IDUA: variants seen among roughly 807,000 people sequenced by gnomAD.
IDUA encodes iduronidase alpha-L-.
Under a neutral mutation model 68.9 loss-of-function variants are expected in IDUA, and 65 were observed. The ratio of observed to expected loss-of-function variants is 0.94; its 90% CI spans 0.77 to 1.16. The LOEUF is 1.16. IDUA is among the 50% of genes most tolerant of loss of function. IDUA has a pLI of 0.00. For synonymous variants in IDUA, 529 were observed against 433.6 expected (o/e 1.22, Z -2.73); for missense variants, 1,046 against 938.0 (o/e 1.12, Z -1.50).
At chr4:995,046 C>CT (rs562525715) in intron 2 of IDUA, among the ~76,000 whole-genome samples, 6,941 of 138,932 alleles carry the variant, frequency 0.05, 223 homozygotes, top group East Asian at 0.11. Context: ...GCCTACAAGT[C>CT]TTTTTTTTTT....
At chr4:993,634 G>A (rs34106926) in intron 2 of IDUA, among the ~76,000 whole-genome samples, 1 of 152,210 alleles carries the variant, frequency 6.6e-6, no homozygotes, top group African/African-American at 2.4e-5. Context: ...GCCCTGCCGG[G>A]GGGGCTTAGG....
In IDUA at chr4:1,004,487, C is replaced by T. The variant is rs1019771215; in HGVS notation, c.*94C>T. The T allele has an allele frequency of 3.5e-5, 43 of 1,228,084 alleles. No individual in the cohort carries two copies. The highest frequency in any genetic ancestry group is 4.8e-5 in the Non-Finnish European group (42 of 880,754). The allele number at this position is 1,228,084 out of a possible 1,614,324, so 76.1% of individuals were successfully genotyped here. A position where few individuals can be genotyped will look rare whatever the true frequency, so the allele number is the denominator to read the frequency against. On this transcript the variant is annotated 3_prime_UTR_variant, in exon 14 of 14. Coordinates refer to ENST00000514224, the MANE Select transcript of IDUA (RefSeq NM_000203.5). This position sits in a 1 kb window ranked among gnomAD's most constrained non-coding sequence, Gnocchi z 5.0. Reference sequence around the variant, plus strand: ...TGCTGCCCTCCCATCACCCCCTTTGCAATATATTTTTATATTTTATTATTT... The same window carrying T: ...TGCTGCCCTCCCATCACCCCCTTTGTAATATATTTTTATATTTTATTATTT...
intron 9 of IDUA, 22 bp from the exon 10 acceptor site, chr4:1,003,014 G>C (rs373823790): frequency 6.8e-7 from 1 of 1,460,384 alleles, no homozygotes; most frequent in Non-Finnish European, 9.0e-7. Flanking sequence ...GGGAGCCGAG[G>C]CCTGAGTGTC....
At chr4:1,000,755 C>A (rs1245858456) in intron 3 of IDUA, 58 bp downstream of exon 3, 17 of 1,479,126 alleles carry the variant, frequency 1.1e-5, no homozygotes, top group Non-Finnish European at 1.6e-5. Context: ...TGCCCACCCT[C>A]TCCCTCACCC....
rs930815881 is a variant in IDUA at position 1,003,031 on chromosome 4, C to T, written c.1403-5C>T. 2 of 1,491,062 alleles carry T rather than the reference C, an allele frequency of 1.3e-6. No homozygotes were observed. The highest frequency in any genetic ancestry group is 1.8e-6 in the Non-Finnish European group (2 of 1,128,208). 92.4% of individuals were successfully genotyped at this position (1,491,062 alleles called of 1,614,324 possible). A position where few individuals can be genotyped will look rare whatever the true frequency, so the allele number is the denominator to read the frequency against. ...GAGCCGAGGCCTGAGTGTCAGGCCC[C>T]GCAGGCCTGGTCTACGTCACGCGCT... is the stretch of plus-strand genomic sequence containing the variant. On this transcript the variant is annotated splice_polypyrimidine_tract_variant and splice_region_variant and intron_variant, in intron 9 of 13. Coordinates refer to ENST00000514224, the MANE Select transcript of IDUA (RefSeq NM_000203.5).
intron 2 of IDUA, chr4:988,348 G>A (rs1713912289): frequency 1.5e-5 from 16 of 1,086,852 alleles, no homozygotes; most frequent in Non-Finnish European, 1.8e-5. Context: ...GGGGAGGCAC[G>A]AGGTGTGAGG....
At position 1,001,707 on chromosome 4, in the gene IDUA, G is replaced by C. The variant is rs377312287; in HGVS notation, c.618G>C (p.Ser206=). The change falls in exon 6 of 14, where the codon TCG becomes TCC. Residue 206 remains serine (S), a synonymous_variant. Coordinates refer to ENST00000514224, the MANE Select transcript of IDUA (RefSeq NM_000203.5). ...TCCTGAACTACTACGATGCCTGCTC[G>C]GAGGGTCTGCGCGCCGCCAGCCCCG... The part of the protein sequence containing the change: ...QGFLNYYDAC[S]EGLRAASPAL... 3.8e-6 allele frequency: 6 copies of C among 1,599,676 alleles called. No homozygotes were observed. The highest frequency in any genetic ancestry group is 2.2e-5 in the East Asian group (1 of 44,730).
chr4:987,878 T>C lies in IDUA; in HGVS notation c.228T>C (p.Tyr76=), dbSNP rs2153015654. ...LSWDQQLNLA[Y]VGAVPHRGIK... ...GGGACCAGCAGCTCAACCTCGCCTA[T>C]GTGGGCGCCGTCCCTCACCGCGGCA... The change falls in exon 2 of 14, where the codon TAT becomes TAC. Residue 76 remains tyrosine, a synonymous_variant. Transcript: ENST00000514224. 1.2e-6 allele frequency: 2 copies of C among 1,611,900 alleles called. No homozygotes were observed. The highest frequency in any genetic ancestry group is 2.2e-5 in the South Asian group (2 of 90,900).
chr4:1,003,186 C>A (rs754309206), intron 10 of IDUA, 29 bp downstream of exon 10: 7 of 697,300 alleles, frequency 1.0e-5, no homozygotes, highest in Middle Eastern at 6.6e-4. Context: ...GGCGAGGGGC[C>A]GGGCCGGGCC....
rs144684135 is a variant in IDUA at position 990,111 on chromosome 4, G to A, written c.299+2162G>A. 2.6e-5 allele frequency: 42 copies of A among 1,586,176 alleles called. No individual in the cohort carries two copies. The highest frequency in any genetic ancestry group is 3.1e-5 in the Non-Finnish European group (36 of 1,168,130). ...GGTAGCGGTCTGAGAGCTCCTTCGC[G>A]GCTAGCAGCACCGCCAGGCACACCG... On this transcript the variant is annotated intron_variant, in intron 2 of 13. Coordinates refer to ENST00000514224, the MANE Select transcript of IDUA (RefSeq NM_000203.5).
chr4:987,034 CG>C, upstream of IDUA: 1 of 1,479,860 alleles, frequency 6.8e-7, no homozygotes, highest in Non-Finnish European at 9.0e-7. Flanking sequence ...GACCCGGAGG[CG>C]GAACCGGCAG....
chr4:1,001,036 C>T, intron 4 of IDUA, 47 bp downstream of exon 4: 1 of 1,376,886 alleles, frequency 7.3e-7, no homozygotes, highest in Non-Finnish European at 1.0e-6. Flanking sequence ...GGGGGTACTC[C>T]TGGGCAGGTT....
intron 2 of IDUA, among the ~76,000 whole-genome samples, chr4:995,986 C>T (rs1041197692): frequency 6.6e-6 from 1 of 152,048 alleles, no homozygotes; most frequent in East Asian, 1.9e-4. Context: ...TCTGGGGTCT[C>T]GTACCCCTGA....
At chr4:999,096 T>G (rs893290257) in intron 2 of IDUA, among the ~76,000 whole-genome samples, 1 of 151,490 alleles carries the variant, frequency 6.6e-6, no homozygotes, top group Non-Finnish European at 1.5e-5. Flanking sequence ...TCCCAGCTAC[T>G]CAGGAGGCTG....
At position 1,002,053 on chromosome 4, in the gene IDUA, C is replaced by T. The variant is rs1440415618; in HGVS notation, c.864C>T (p.Pro288=). The change falls in exon 7 of 14, where the codon CCC becomes CCT. Residue 288 remains proline, a synonymous_variant. Coordinates refer to ENST00000514224, the MANE Select transcript of IDUA (RefSeq NM_000203.5). ...CGCAGCAGATCCGGCAGCTCTTCCCCAAGTTCGCGGACACCCCCATTTACA... is the reference window on the plus strand; with the variant it reads ...CGCAGCAGATCCGGCAGCTCTTCCCTAAGTTCGCGGACACCCCCATTTACA... ...VVAQQIRQLF[P]KFADTPIYND... The T allele has an allele frequency of 6.3e-7, 1 of 1,597,184 alleles. No individual in the cohort carries two copies. The highest frequency in any genetic ancestry group is 1.8e-5 in the Admixed American group (1 of 57,034).
intron 2 of IDUA, 72 bp from the exon 3 acceptor site, chr4:1,000,539 TG>T: frequency 8.3e-7 from 1 of 1,199,024 alleles, no homozygotes; most frequent in Non-Finnish European, 1.2e-6. Flanking sequence ...TGCTCCGTTG[TG>T]GCCACGGTTC....
intron 4 of IDUA, 57 bp from the exon 5 acceptor site, chr4:1,001,411 G>C: frequency 7.0e-7 from 1 of 1,430,644 alleles, no homozygotes; most frequent in Admixed American, 1.7e-5. Context: ...CTCCCTCCGT[G>C]GGAGTCACTG....
rs1454281576 is a variant in IDUA at position 1,002,907 on chromosome 4, G to C, written c.1365G>C (p.Ala455=). The change falls in exon 9 of 14, where the codon GCG becomes GCC. Residue 455 remains alanine (A), a synonymous_variant. Transcript: ENST00000514224. Reference sequence around the variant, plus strand: ...GCGCCCACCCCAACCGCAGCGTCGCGGTGACCCTGCGGCTGCGCGGGGTGC... The same window carrying C: ...GCGCCCACCCCAACCGCAGCGTCGCCGTGACCCTGCGGCTGCGCGGGGTGC... ...DTRAHPNRSV[A]VTLRLRGVPP... The C allele has an allele frequency of 7.1e-7, 1 of 1,400,526 alleles. No homozygotes were observed. The highest frequency in any genetic ancestry group is 3.3e-5 in the Admixed American group (1 of 30,128). The allele number at this position is 1,400,526 out of a possible 1,614,324, so 86.8% of individuals were successfully genotyped here.
intron 2 of IDUA, chr4:989,208 G>GC (rs756900523): frequency 1.2e-6 from 2 of 1,609,464 alleles, no homozygotes; most frequent in Non-Finnish European, 1.7e-6. Flanking sequence ...CCGTCTCTGA[G>GC]CCCCCCTCCT....
Sources: allele counts gnomAD v4.1 joint callset (sites outside exome capture counted in the v4.1 genomes callset), GRCh38; gene constraint gnomAD v4.1.1; non-coding constraint Gnocchi (gnomAD v3.1); transcripts MANE v1.5; gene names NCBI Gene and HGNC (gene_info 2026-07-23, HGNC 2026-07-21).